The following WDR7 variants were observed in gnomAD, a reference collection of about 807,000 sequenced individuals.
The protein encoded by WDR7 is WD repeat domain 7, also known as WD repeat-containing protein 7.
A neutral mutation model predicts 169.4 loss-of-function variants in WDR7; 46 were observed. The ratio of observed to expected loss-of-function variants is 0.27; its 90% CI spans 0.21 to 0.35. WDR7 has a LOEUF of 0.35. Ranked by LOEUF, WDR7 falls within the 10% of genes least tolerant of loss-of-function variation. The pLI, the probability that WDR7 is intolerant of heterozygous loss-of-function variation, is 1.00. For missense variants in WDR7, 1,534 were observed against 1,859.3 expected, an observed-to-expected ratio of 0.83 and a Z score of 3.22; for synonymous variants, 612 against 666.8, an observed-to-expected ratio of 0.92 and a Z score of 1.27.
chr18:56,786,575 A>G (rs2044404437), intron 19 of WDR7, among the ~76,000 whole-genome samples: 1 of 152,002 alleles, frequency 6.6e-6, no homozygotes, highest in South Asian at 2.1e-4. Context: ...TCAAGCCCTA[A>G]TTGAGTACTG....
intron 20 of WDR7, among the ~76,000 whole-genome samples, chr18:56,823,188 A>G (rs1316921756): frequency 1.3e-5 from 2 of 152,178 alleles, no homozygotes; most frequent in Admixed American, 1.3e-4. Flanking sequence ...ATGACTGTCA[A>G]TCAAATCTGT....
At chr18:56,710,324 G>A (rs919736572) in intron 12 of WDR7, among the ~76,000 whole-genome samples, 15 of 152,092 alleles carry the variant, frequency 9.9e-5, no homozygotes, top group African/African-American at 2.4e-4. Context: ...TTTGATACAC[G>A]TTCTTCTAGG....
Position 56,756,934 on chromosome 18 carries a change from C to T in WDR7, c.2341C>T (p.Arg781Trp), listed in dbSNP as rs776199904. 40 of 1,613,916 alleles carry T rather than the reference C, an allele frequency of 2.5e-5. 1 individual carries two copies. Among genetic ancestry groups the T allele is most frequent in the East Asian group, 8.9e-5 (4 of 44,886 alleles). Reference protein sequence around the residue: ...QRREESDPEYRSSKSKPLTLL... With the variant: ...QRREESDPEYWSSKSKPLTLL... The stretch of plus-strand genomic sequence containing the variant: ...AAGGGAAGAAAGTGATCCTGAATAT[C>T]GGTCCAGCAAATCAAAGCCATTGAC... The change falls in exon 15 of 28, where the codon CGG becomes TGG. Residue 781 changes from arginine to tryptophan, a missense_variant. Physicochemically the swap from Arg to Trp is moderately radical, Grantham distance 101 (BLOSUM62 -3). Coordinates refer to ENST00000254442, the MANE Select transcript of WDR7 (RefSeq NM_015285.3).
the WDR7 span, chr18:57,035,126 A>C: frequency 2.6e-5 from 4 of 152,130 alleles, no homozygotes; most frequent in Non-Finnish European, 4.4e-5. Context: ...CCCATGCAAA[A>C]CTACACATGC....
intron 13 of WDR7, among the ~76,000 whole-genome samples, chr18:56,723,447 A>G (rs1024536866): frequency 4.6e-5 from 7 of 151,842 alleles, no homozygotes; most frequent in Non-Finnish European, 8.8e-5. Flanking sequence ...AAAAAACTCT[A>G]TTTTATCTTC....
intron 19 of WDR7, among the ~76,000 whole-genome samples, chr18:56,782,881 AGAT>A (rs1184766358): frequency 2.0e-5 from 3 of 152,196 alleles, no homozygotes; most frequent in Non-Finnish European, 1.5e-5. Flanking sequence ...GATGAAATAA[AGAT>A]GATAATAGGA....
chr18:56,724,776 A>T (rs1190359961), intron 13 of WDR7, among the ~76,000 whole-genome samples: 1 of 151,938 alleles, frequency 6.6e-6, no homozygotes, highest in Non-Finnish European at 1.5e-5. Context: ...CTTTAGGTAT[A>T]TCTCCTAATG....
intron 25 of WDR7, among the ~76,000 whole-genome samples, chr18:56,952,727 C>A (rs139269371): frequency 1.3e-5 from 2 of 152,300 alleles, no homozygotes; most frequent in East Asian, 3.9e-4. Context: ...ACCTCTCTTA[C>A]ATTCAGACAA....
chr18:56,982,479 C>T (rs2047660795), intron 26 of WDR7, among the ~76,000 whole-genome samples: 1 of 152,046 alleles, frequency 6.6e-6, no homozygotes, highest in Non-Finnish European at 1.5e-5. Flanking sequence ...GGAAAATTTT[C>T]GTCAAGGAAA....
At chr18:56,732,900 G>A (rs543280942) in intron 14 of WDR7, among the ~76,000 whole-genome samples, 72 of 152,266 alleles carry the variant, frequency 4.7e-4, no homozygotes, top group Non-Finnish European at 8.8e-4. Context: ...CATGCATGTG[G>A]TGTAACTCCC....
rs532249155 is a variant in WDR7, at chr18:56,952,675, G to A, written c.4065-9755G>A. Among the ~76,000 whole-genome samples the A allele has an allele frequency of 1.0e-3, 159 of 152,232 alleles. 1 individual carries two copies. Among genetic ancestry groups the A allele is most frequent in the Non-Finnish European group, 1.8e-3 (125 of 68,022 alleles). Reference sequence around the variant, plus strand: ...CTGATGAAGTTTTATGGAGAAAAACGTTTAAGTGGAAACCAAACGGATAGT... The same window carrying A: ...CTGATGAAGTTTTATGGAGAAAAACATTTAAGTGGAAACCAAACGGATAGT... On this transcript the variant is annotated intron_variant, in intron 25 of 27. Coordinates refer to ENST00000254442, the MANE Select transcript of WDR7 (RefSeq NM_015285.3).
At chr18:57,015,913 C>T (rs2048199201) in intron 26 of WDR7, among the ~76,000 whole-genome samples, 1 of 152,152 alleles carries the variant, frequency 6.6e-6, no homozygotes, top group Non-Finnish European at 1.5e-5. Context: ...TTTTTGACTC[C>T]ATACACACAC....
At chr18:56,811,478 C>G (rs1437267596) in intron 19 of WDR7, among the ~76,000 whole-genome samples, 1 of 152,042 alleles carries the variant, frequency 6.6e-6, no homozygotes, top group African/African-American at 2.4e-5. Flanking sequence ...CTTTGTAGAA[C>G]AAAAGTCTAA....
intron 20 of WDR7, among the ~76,000 whole-genome samples, chr18:56,824,969 A>G (rs1157951650): frequency 2.0e-5 from 3 of 152,208 alleles, no homozygotes; most frequent in Non-Finnish European, 4.4e-5. Context: ...GACCTGATAG[A>G]ATTCTCAGAG....
At chr18:56,748,092 G>A (rs755786101) in intron 14 of WDR7, among the ~76,000 whole-genome samples, 1 of 152,110 alleles carries the variant, frequency 6.6e-6, no homozygotes, top group Non-Finnish European at 1.5e-5. Flanking sequence ...TGTAAACTAT[G>A]TTCACATGTA....
rs34599349 is a variant in WDR7 at position 56,773,343 on chromosome 18, G to GTT, written c.2849-3429_2849-3428dup. 3.0e-3 allele frequency among the ~76,000 whole-genome samples: 443 copies of GTT among 148,532 alleles called. 3 individuals are homozygous for GTT. Among genetic ancestry groups the GTT allele is most frequent in the African/African-American group, 0.01 (420 of 40,934 alleles). ...GGAGGCTTCCTTTCTTTAAAGAGAA[G>GTT]TTTTTTTTTTTATCATTCATTACTA... On this transcript the variant is annotated intron_variant, in intron 16 of 27. Transcript: ENST00000254442.
intron 1 of WDR7, among the ~76,000 whole-genome samples, chr18:56,655,363 G>A (rs1482473017): frequency 6.6e-6 from 1 of 152,140 alleles, no homozygotes; most frequent in African/African-American, 2.4e-5. Context: ...GGTTGACCAT[G>A]CCCGTAGTCC....
At chr18:56,734,238 C>A (rs1045832641) in intron 14 of WDR7, among the ~76,000 whole-genome samples, 12 of 152,172 alleles carry the variant, frequency 7.9e-5, no homozygotes, top group Admixed American at 3.9e-4. Flanking sequence ...TCTAACCCAT[C>A]CTGGACTTAT....
intron 23 of WDR7, among the ~76,000 whole-genome samples, chr18:56,937,031 ATAT>A (rs1246981452): frequency 2.6e-5 from 4 of 152,186 alleles, no homozygotes; most frequent in South Asian, 4.1e-4. Flanking sequence ...ACAGGTCATA[ATAT>A]TGAATATAGT....
Sources: allele counts gnomAD v4.1 joint callset (sites outside exome capture counted in the v4.1 genomes callset), GRCh38; gene constraint gnomAD v4.1.1; transcripts MANE v1.5; gene names NCBI Gene and HGNC (gene_info 2026-07-23, HGNC 2026-07-21).